EMB: variants seen among roughly 807,000 people sequenced by gnomAD.
The protein encoded by EMB is embigin homolog.
Under a neutral mutation model 41.4 loss-of-function variants are expected in EMB, and 31 were observed. The observed-to-expected ratio is 0.75, with a 90% CI of 0.56 to 1.01. The LOEUF is 1.01. EMB is among the 50% of genes least tolerant of loss of function. The pLI, the probability that EMB is intolerant of heterozygous loss-of-function variation, is 0.00. For missense variants in EMB, 379 were observed against 388.3 expected (o/e 0.98, Z 0.20); for synonymous variants, 137 against 140.4 (o/e 0.98, Z 0.17).
intron 1 of EMB, among the ~76,000 whole-genome samples, chr5:50,437,000 G>A (rs1203116006): frequency 4.6e-5 from 7 of 152,180 alleles, no homozygotes; most frequent in Admixed American, 2.0e-4. Context: ...GCTGGGCACC[G>A]TAGCTCTCGC....
intron 2 of EMB, among the ~76,000 whole-genome samples, chr5:50,413,827 C>T (rs892513049): frequency 6.6e-6 from 1 of 152,084 alleles, no homozygotes; most frequent in Admixed American, 6.6e-5. Context: ...ATCTGCCTGC[C>T]TTGGACTCCC....
chr5:50,426,674 G>A (rs1420842324), intron 2 of EMB, among the ~76,000 whole-genome samples: 2 of 151,998 alleles, frequency 1.3e-5, no homozygotes, highest in African/African-American at 4.8e-5. Context: ...ACATAGAAAT[G>A]TTATAAGTAT....
At position 50,441,101 on chromosome 5, in the gene EMB, C is replaced by G; in HGVS notation, c.51G>C (p.Leu17=). The G allele has an allele frequency of 6.6e-7, 1 of 1,519,034 alleles. No homozygotes were observed. Among genetic ancestry groups the G allele is most frequent in the Non-Finnish European group, 8.8e-7 (1 of 1,137,016 alleles). 94.1% of individuals were successfully genotyped at this position (1,519,034 alleles called of 1,614,324 possible). ...CAGCGAGAAGGCACTGGAGGAGGAG[C>G]AGCCGGGGCGTACGCGCCCTGGCCT... ...LLEARARTPR[L]LLLQCLLAAA... The change falls in exon 1 of 9, where the codon CTG becomes CTC. Residue 17 remains leucine, a synonymous_variant. Transcript: ENST00000303221.
chr5:50,442,672 C>CT (rs1745934489), upstream of EMB, among the ~76,000 whole-genome samples: 1 of 152,228 alleles, frequency 6.6e-6, no homozygotes, highest in African/African-American at 2.4e-5. Context: ...TGTTGACCCT[C>CT]TGAGGGCATT....
At chr5:50,432,665 A>C (rs1561140801) in intron 1 of EMB, among the ~76,000 whole-genome samples, 1 of 151,736 alleles carries the variant, frequency 6.6e-6, no homozygotes, top group East Asian at 1.9e-4. Flanking sequence ...TAAATGCAGC[A>C]GAAAGAGGAA....
At chr5:50,438,562 G>A (rs1302750399) in intron 1 of EMB, among the ~76,000 whole-genome samples, 1 of 152,152 alleles carries the variant, frequency 6.6e-6, no homozygotes, top group South Asian at 2.1e-4. Context: ...TTGACTCAAA[G>A]TCTTAGGTTA....
In EMB at chr5:50,397,638, GCTAA is replaced by G. The variant is rs931032505; in HGVS notation, c.*1631_*1634del. 2.4e-4 allele frequency: 36 copies of G among 152,144 alleles called. No individual in the cohort carries two copies. The highest frequency in any genetic ancestry group is 5.2e-4 in the Admixed American group (8 of 15,252). The allele number at this position is 152,144 out of a possible 1,614,324, so 9.4% of individuals were successfully genotyped here. A position where few individuals can be genotyped will look rare whatever the true frequency, so the allele number is the denominator to read the frequency against. The stretch of plus-strand genomic sequence containing the variant: ...AATTCAAATAGCTTAGATTAATTAA[GCTAA>G]CTGATTGGTTATCTACCATTATATA... On this transcript the variant is annotated 3_prime_UTR_variant, in exon 9 of 9. Transcript: ENST00000303221.
At chr5:50,427,052 C>G (rs1314368185) in intron 2 of EMB, among the ~76,000 whole-genome samples, 2 of 152,148 alleles carry the variant, frequency 1.3e-5, no homozygotes, top group African/African-American at 2.4e-5. Flanking sequence ...ATTTACCCAC[C>G]ACCATCACTC....
intron 1 of EMB, chr5:50,428,762 C>A: frequency 1.0e-6 from 1 of 985,278 alleles, no homozygotes; most frequent in Non-Finnish European, 1.2e-6. Context: ...CCTCTAACAC[C>A]TGACTTTCAG....
At chr5:50,415,677 A>C (rs1745417785) in intron 2 of EMB, among the ~76,000 whole-genome samples, 1 of 152,236 alleles carries the variant, frequency 6.6e-6, no homozygotes. Flanking sequence ...TTACACATCA[A>C]GACAAAGGCA....
At chr5:50,416,959 C>A (rs1223770828) in intron 2 of EMB, among the ~76,000 whole-genome samples, 3 of 152,116 alleles carry the variant, frequency 2.0e-5, no homozygotes, top group Non-Finnish European at 2.9e-5. Context: ...ATAAACATGG[C>A]TGCAGAACTG....
chr5:50,417,564 T>C (rs894519784), intron 2 of EMB, among the ~76,000 whole-genome samples: 2 of 152,180 alleles, frequency 1.3e-5, no homozygotes, highest in African/African-American at 2.4e-5. Context: ...TCCCATAAAC[T>C]TAAAATGTGA....
intron 4 of EMB, 69 bp from the exon 5 acceptor site, chr5:50,405,921 A>C (rs2271236): frequency 6.9e-7 from 1 of 1,457,744 alleles, no homozygotes; most frequent in Non-Finnish European, 9.1e-7. Flanking sequence ...TAAATGTGCA[A>C]ATATTGTCTC....
intron 1 of EMB, among the ~76,000 whole-genome samples, chr5:50,434,004 TCTC>T: frequency 6.6e-6 from 1 of 152,260 alleles, no homozygotes; most frequent in South Asian, 2.1e-4. Flanking sequence ...CAAATCTCCT[TCTC>T]CTTTTTTTAT....
intron 1 of EMB, among the ~76,000 whole-genome samples, chr5:50,429,993 T>A (rs1169819863): frequency 8.2e-6 from 1 of 122,344 alleles, no homozygotes; most frequent in African/African-American, 3.0e-5. Context: ...TCTCTCTCTC[T>A]CTCTCTCTCT....
intron 1 of EMB, among the ~76,000 whole-genome samples, chr5:50,430,284 T>C (rs1197123753): frequency 2.6e-5 from 4 of 152,154 alleles, no homozygotes; most frequent in African/African-American, 4.8e-5. Context: ...TTTGCTTTCC[T>C]CCCCAGGGAT....
At chr5:50,425,740 G>GGCTGGAGTGCAC (rs1745600517) in intron 2 of EMB, among the ~76,000 whole-genome samples, 1 of 62,256 alleles carries the variant, frequency 1.6e-5, no homozygotes, top group South Asian at 4.8e-4. Flanking sequence ...GACTCTTGCA[G>GGCTGGAGTGCAC]TGGCACAATC....
At chr5:50,404,196 A>C (rs978934586) in intron 5 of EMB, among the ~76,000 whole-genome samples, 1 of 151,934 alleles carries the variant, frequency 6.6e-6, no homozygotes, top group Non-Finnish European at 1.5e-5. Context: ...TCCATCACTC[A>C]ACCGTGCTAT....
At chr5:50,442,749 C>T (rs1227398856), upstream of EMB, among the ~76,000 whole-genome samples, 1 of 152,170 alleles carries the variant, frequency 6.6e-6, no homozygotes, top group Non-Finnish European at 1.5e-5. Context: ...TCTTTCAACC[C>T]TGCATCTGGT....
Sources: allele counts gnomAD v4.1 joint callset (sites outside exome capture counted in the v4.1 genomes callset), GRCh38; gene constraint gnomAD v4.1.1; transcripts MANE v1.5; gene names NCBI Gene and HGNC (gene_info 2026-07-23, HGNC 2026-07-21).